CDH12: variants seen among roughly 807,000 people sequenced by gnomAD.
CDH12 encodes cadherin 12, also known as cadherin-12.
Under a neutral mutation model 74.1 loss-of-function variants are expected in CDH12, and 41 were observed. The observed-to-expected ratio is 0.55, with a 90% confidence interval of 0.43 to 0.72. The LOEUF (loss-of-function observed/expected upper bound fraction) is 0.72, where lower values mean the gene tolerates loss of function less well. Ranked by LOEUF, CDH12 falls within the 30% of genes least tolerant of loss-of-function variation. The probability of loss-of-function intolerance (pLI) is 0.00; values close to 1 mark genes in which losing one functional copy is unlikely to be tolerated. For missense variants in CDH12, 945 were observed against 977.2 expected (o/e 0.97, Z 0.44); for synonymous variants, 399 against 355.0 (o/e 1.12, Z -1.39).
At chr5:22,703,386 T>C (rs1339591099) in intron 1 of CDH12, among the ~76,000 whole-genome samples, 1 of 152,136 alleles carries the variant, frequency 6.6e-6, no homozygotes, top group African/African-American at 2.4e-5. Flanking sequence ...TGCACTAACA[T>C]CCTACACCAT....
intron 9 of CDH12, among the ~76,000 whole-genome samples, chr5:21,804,663 C>T (rs1229813731): frequency 0.015 from 2,205 of 150,320 alleles, 85 homozygotes; most frequent in African/African-American, 0.051. Context: ...CACACACACA[C>T]ACACACACAC....
chr5:22,011,795 C>A (rs1737311085), intron 5 of CDH12, among the ~76,000 whole-genome samples: 1 of 152,092 alleles, frequency 6.6e-6, no homozygotes, highest in African/African-American at 2.4e-5. Flanking sequence ...GATTAATATT[C>A]TATGAATAGT....
chr5:22,178,044 A>G (rs1049528409), intron 4 of CDH12, among the ~76,000 whole-genome samples: 1 of 152,170 alleles, frequency 6.6e-6, no homozygotes, highest in Non-Finnish European at 1.5e-5. Flanking sequence ...CTCCAGCTGC[A>G]TCTTCCCTCA....
intron 1 of CDH12, among the ~76,000 whole-genome samples, chr5:22,611,823 T>C (rs992511867): frequency 6.6e-6 from 1 of 151,958 alleles, no homozygotes; most frequent in Non-Finnish European, 1.5e-5. Flanking sequence ...AGGGCAAAGA[T>C]TAGGACACAG....
At chr5:22,626,685 A>G (rs1313501485) in intron 1 of CDH12, among the ~76,000 whole-genome samples, 3 of 152,240 alleles carry the variant, frequency 2.0e-5, no homozygotes, top group African/African-American at 7.2e-5. Flanking sequence ...TCAAAAAGCC[A>G]GAATGTCTTC....
intron 4 of CDH12, among the ~76,000 whole-genome samples, chr5:22,132,620 C>T (rs1231985331): frequency 6.6e-6 from 1 of 151,920 alleles, no homozygotes; most frequent in East Asian, 1.9e-4. Context: ...AGTCAATTTC[C>T]AGGCCTTGCC....
At chr5:21,984,434 T>G (rs1757431714) in intron 5 of CDH12, among the ~76,000 whole-genome samples, 1 of 152,324 alleles carries the variant, frequency 6.6e-6, no homozygotes, top group Admixed American at 6.5e-5. Context: ...ATTTTATGCC[T>G]TTTCTTTGGA....
chr5:22,096,822 GC>G (rs1277796092), intron 4 of CDH12, among the ~76,000 whole-genome samples: 1 of 152,026 alleles, frequency 6.6e-6, no homozygotes, highest in Non-Finnish European at 1.5e-5. Context: ...AGGTCACAAG[GC>G]CGTCTTATTC....
chr5:22,110,945 G>T (rs1461543957), intron 4 of CDH12, among the ~76,000 whole-genome samples: 1 of 152,202 alleles, frequency 6.6e-6, no homozygotes, highest in Non-Finnish European at 1.5e-5. Flanking sequence ...GGGCAAGAGA[G>T]AGGTTGGTCA....
intron 3 of CDH12, among the ~76,000 whole-genome samples, chr5:22,367,909 A>G (rs34261416): frequency 0.43 from 65,717 of 151,978 alleles, 15,242 homozygotes; most frequent in Non-Finnish European, 0.52. Flanking sequence ...AAATGTGACA[A>G]ATTAACACAT....
chr5:22,312,054 T>G (rs1384470450), intron 3 of CDH12, among the ~76,000 whole-genome samples: 1 of 152,134 alleles, frequency 6.6e-6, no homozygotes, highest in Non-Finnish European at 1.5e-5. Flanking sequence ...ATTAGTTATC[T>G]TTTGAAATAT....
chr5:21,868,865 A>G (rs1470588579), intron 6 of CDH12, among the ~76,000 whole-genome samples: 2 of 152,130 alleles, frequency 1.3e-5, no homozygotes, highest in Non-Finnish European at 2.9e-5. Flanking sequence ...CATAGAATGA[A>G]TGCATTTGAT....
At chr5:22,400,758 G>C (rs958999786) in intron 3 of CDH12, among the ~76,000 whole-genome samples, 7 of 152,054 alleles carry the variant, frequency 4.6e-5, no homozygotes, top group Non-Finnish European at 7.4e-5. Flanking sequence ...TGACCACTGG[G>C]AAGCGAGTGG....
intron 6 of CDH12, among the ~76,000 whole-genome samples, chr5:21,948,885 T>C (rs1426696206): frequency 6.6e-6 from 1 of 151,950 alleles, no homozygotes; most frequent in Non-Finnish European, 1.5e-5. Context: ...GATCTGATGG[T>C]TTTGTTAAGT....
chr5:22,363,918 A>G (rs1740925464), intron 3 of CDH12, among the ~76,000 whole-genome samples: 1 of 152,206 alleles, frequency 6.6e-6, no homozygotes, highest in Non-Finnish European at 1.5e-5. Flanking sequence ...TCTGCCAACA[A>G]TCACATTGGT....
At chr5:22,781,103 T>G (rs1331292204) in intron 1 of CDH12, among the ~76,000 whole-genome samples, 1 of 152,196 alleles carries the variant, frequency 6.6e-6, no homozygotes, top group Non-Finnish European at 1.5e-5. Context: ...AATCCTTGAG[T>G]TGTTACATTT....
intron 6 of CDH12, among the ~76,000 whole-genome samples, chr5:21,923,271 G>C (rs993360135): frequency 2.0e-5 from 3 of 151,982 alleles, no homozygotes; most frequent in Non-Finnish European, 4.4e-5. Flanking sequence ...TTTTAAAAAA[G>C]ATTTTGAGAA....
At chr5:22,524,902 C>T (rs933894192) in intron 1 of CDH12, among the ~76,000 whole-genome samples, 1 of 151,550 alleles carries the variant, frequency 6.6e-6, no homozygotes, top group African/African-American at 2.4e-5. Context: ...TGTTGGTGTG[C>T]TGCACCCATT....
chr5:22,343,579 A>G (rs949869474), intron 3 of CDH12, among the ~76,000 whole-genome samples: 6 of 151,846 alleles, frequency 4.0e-5, no homozygotes, highest in Admixed American at 1.3e-4. Flanking sequence ...CACCACGCCC[A>G]GCTAATTTTT....
Sources: allele counts gnomAD v4.1 joint callset (sites outside exome capture counted in the v4.1 genomes callset), GRCh38; gene constraint gnomAD v4.1.1; transcripts MANE v1.5; gene names NCBI Gene and HGNC (gene_info 2026-07-23, HGNC 2026-07-21).